Variants in ZNF208 observed in about 807,000 individuals in gnomAD.
ZNF208 encodes zinc finger protein 208, also known as zinc finger protein 95.
ZNF208 carries 10 observed loss-of-function variants against 12.1 expected under a neutral mutation model. The observed-to-expected ratio is 0.83, with a 90% confidence interval of 0.51 to 1.40. The LOEUF is 1.40. Ranked by LOEUF, ZNF208 falls within the 40% of genes most tolerant of loss-of-function variation. ZNF208 has a pLI of 0.00. For synonymous variants in ZNF208, 497 were observed against 488.4 expected (o/e 1.02, Z -0.23); for missense variants, 1,652 against 1,485.0 (o/e 1.11, Z -1.85).
intron 4 of ZNF208, among the ~76,000 whole-genome samples, chr19:21,949,475 A>G (rs1430855933): frequency 6.6e-6 from 1 of 152,156 alleles, no homozygotes; most frequent in East Asian, 1.9e-4. Context: ...CTTACACATT[A>G]CTGGTTTTTG....
rs188928089 is a variant in ZNF208 at position 21,979,250 on chromosome 19, A to G, written c.227-4443T>C. Among the ~76,000 whole-genome samples, 17 of 152,302 alleles carry G rather than the reference A, an allele frequency of 1.1e-4. 1 individual carries two copies. The East Asian group carries it at 2.9e-3, about 26-fold the overall frequency. ...GAACACCACAAAGATGCTCCTCGAG[A>G]AGAGCAACCCCAAGACACAGAATCG... is the stretch of plus-strand genomic sequence containing the variant. On this transcript the variant is annotated intron_variant, in intron 3 of 3. Coordinates refer to ENST00000397126, the MANE Select transcript of ZNF208 (RefSeq NM_007153.3).
chr19:21,945,609 T>A (rs1036857443), intron 4 of ZNF208, among the ~76,000 whole-genome samples: 6 of 152,186 alleles, frequency 3.9e-5, no homozygotes, highest in Non-Finnish European at 8.8e-5. Context: ...TTCAACTTTT[T>A]AAAAAAATTT....
chr19:21,982,192 C>T (rs1442261993), intron 3 of ZNF208, among the ~76,000 whole-genome samples: 2 of 151,702 alleles, frequency 1.3e-5, no homozygotes, highest in Admixed American at 1.3e-4. Flanking sequence ...CCCATCTCTA[C>T]TAAAAACACA....
chr19:21,946,565 G>T lies in ZNF208; in HGVS notation c.306-13328C>A, dbSNP rs184353124. ...TTAATCTTCTTGAATGTAGCACAAA[G>T]AATTCTGGGTATTATCTCAAACAAC... is the stretch of plus-strand genomic sequence containing the variant. On this transcript the variant is annotated intron_variant, in intron 4 of 4. Transcript: ENST00000599916. 5.1e-4 allele frequency among the ~76,000 whole-genome samples: 78 copies of T among 152,258 alleles called. 2 individuals carry two copies. The highest frequency in any genetic ancestry group is 5.1e-3 in the Admixed American group (78 of 15,296).
intron 1 of ZNF208, among the ~76,000 whole-genome samples, chr19:22,009,971 G>A (rs1489905745): frequency 2.0e-5 from 3 of 152,074 alleles, no homozygotes; most frequent in Non-Finnish European, 4.4e-5. Context: ...GGATCACGAG[G>A]TCAGGAGATC....
chr19:21,968,594 T>G lies in ZNF208; in HGVS notation c.*2597A>C, dbSNP rs904299094. Reference sequence around the variant, plus strand: ...TGCTTTTGAATTCAGTTTGCTAGTATTTCATGGAGGATTATTATTCCAATA... The same window carrying G: ...TGCTTTTGAATTCAGTTTGCTAGTAGTTCATGGAGGATTATTATTCCAATA... On this transcript the variant is annotated 3_prime_UTR_variant, in exon 4 of 4. Transcript: ENST00000397126. 1.3e-5 allele frequency: 2 copies of G among 152,160 alleles called. No homozygotes were observed. Among genetic ancestry groups the G allele is most frequent in the African/African-American group, 4.8e-5 (2 of 41,452 alleles). 9.4% of individuals were successfully genotyped at this position (152,160 alleles called of 1,614,324 possible). A position where few individuals can be genotyped will look rare whatever the true frequency, so the allele number is the denominator to read the frequency against.
Position 21,956,778 on chromosome 19 carries a change from G to C in ZNF208, c.305+17951C>G, listed in dbSNP as rs531924230. On this transcript the variant is annotated intron_variant, in intron 4 of 4. Coordinates refer to the ZNF208 transcript ENST00000599916. ...AGGAAAGGGATTACCCCAACCCCTT[G>C]CACTTTCCAGCTGTGGTGATGTCCC... 4.4e-4 allele frequency among the ~76,000 whole-genome samples: 67 copies of C among 152,276 alleles called. 1 individual carries two copies. Among genetic ancestry groups the C allele is most frequent in the African/African-American group, 1.6e-3 (66 of 41,576 alleles).
Position 21,979,315 on chromosome 19 carries a change from G to A in ZNF208, c.227-4508C>T, listed in dbSNP as rs1352320402. Among the ~76,000 whole-genome samples, 12 of 152,104 alleles carry A rather than the reference G, an allele frequency of 7.9e-5. 1 individual carries two copies. Among genetic ancestry groups the A allele is most frequent in the Admixed American group, 5.9e-4 (9 of 15,262 alleles). On this transcript the variant is annotated intron_variant, in intron 3 of 3. Coordinates refer to ENST00000397126, the MANE Select transcript of ZNF208 (RefSeq NM_007153.3). ...GTTGAAATGAAGAAAAAATGTTGAC[G>A]GCAGCCAGGGAGAAAGGTCGGGTTA...
chr19:21,988,167 C>T (rs1970658745), intron 2 of ZNF208, among the ~76,000 whole-genome samples: 1 of 151,986 alleles, frequency 6.6e-6, no homozygotes, highest in African/African-American at 2.4e-5. Flanking sequence ...CAGATCAGCT[C>T]AAGAATGTGG....
At position 21,969,003 on chromosome 19, in the gene ZNF208, T is replaced by G. The variant is rs1970224469; in HGVS notation, c.*2188A>C. ...ATAGAGACCGTCCTGGCTAATATGG[T>G]GAAACCCCATCTGTACTAAAAATAC... On this transcript the variant is annotated 3_prime_UTR_variant, in exon 4 of 4. Transcript: ENST00000397126. Among the ~76,000 whole-genome samples the G allele has an allele frequency of 6.6e-6, 1 of 152,102 alleles. No individual in the cohort carries two copies. The highest frequency in any genetic ancestry group is 1.5e-5 in the Non-Finnish European group (1 of 68,014).
At chr19:21,974,999 A>T (rs1213641347) in intron 3 of ZNF208, among the ~76,000 whole-genome samples, 192 bp from the exon 4 acceptor site, 3 of 152,222 alleles carry the variant, frequency 2.0e-5, no homozygotes, top group African/African-American at 7.2e-5. Flanking sequence ...TGGATAATTT[A>T]TACATGAGTT....
intron 3 of ZNF208, 162 bp downstream of exon 3, chr19:21,987,054 G>A (rs10423507): frequency 0.021 from 13,767 of 643,200 alleles, 594 homozygotes; most frequent in African/African-American, 0.14. Context: ...GTGTAAGACC[G>A]AAGATGCCCC....
intron 4 of ZNF208, among the ~76,000 whole-genome samples, chr19:21,944,301 A>G (rs1313892145): frequency 1.3e-5 from 2 of 152,206 alleles, no homozygotes; most frequent in Non-Finnish European, 2.9e-5. Context: ...CAAAAACCAC[A>G]CAAGCTAAAC....
At chr19:21,939,915 T>TCAATAAACTAATAGC (rs1969706850) in intron 4 of ZNF208, 1 of 152,226 alleles carries the variant, frequency 6.6e-6, no homozygotes, top group Non-Finnish European at 1.5e-5. Flanking sequence ...GCAGAACTAG[T>TCAATAAACTAATAGC]CAATAAACTA....
intron 1 of ZNF208, among the ~76,000 whole-genome samples, chr19:22,008,558 T>A (rs1971090408): frequency 1.3e-5 from 2 of 151,600 alleles, no homozygotes; most frequent in African/African-American, 4.9e-5. Context: ...GTCAGTTTTT[T>A]TTTTTGTCTT....
chr19:21,954,535 A>AT (rs1337488976), intron 4 of ZNF208, among the ~76,000 whole-genome samples: 2 of 152,146 alleles, frequency 1.3e-5, no homozygotes, highest in Non-Finnish European at 2.9e-5. Flanking sequence ...GGGTGCATAT[A>AT]TGTTTAGGAT....
At chr19:21,958,090 T>C (rs939470289) in intron 4 of ZNF208, among the ~76,000 whole-genome samples, 5 of 152,042 alleles carry the variant, frequency 3.3e-5, no homozygotes, top group African/African-American at 4.8e-5. Context: ...GCAGTTTGGT[T>C]TTTTGTTCTT....
intron 3 of ZNF208, among the ~76,000 whole-genome samples, chr19:21,975,645 A>G (rs1331361227): frequency 4.6e-5 from 7 of 152,180 alleles, no homozygotes; most frequent in Admixed American, 2.6e-4. Context: ...AATTTTCAGA[A>G]AGAACCCATT....
chr19:22,007,427 C>T (rs1012855944), intron 1 of ZNF208, among the ~76,000 whole-genome samples: 10 of 136,548 alleles, frequency 7.3e-5, no homozygotes, highest in African/African-American at 2.8e-4. Flanking sequence ...AGGAGAAGGG[C>T]GTAAACCTGG....
Sources: allele counts gnomAD v4.1 joint callset (sites outside exome capture counted in the v4.1 genomes callset), GRCh38; gene constraint gnomAD v4.1.1; transcripts MANE v1.5; gene names NCBI Gene and HGNC (gene_info 2026-07-23, HGNC 2026-07-21).